The following L3MBTL3 variants were observed in gnomAD, a reference collection of about 807,000 sequenced individuals.
L3MBTL3 encodes the protein L3MBTL histone methyl-lysine binding protein 3.
Under a neutral mutation model 102.3 loss-of-function variants are expected in L3MBTL3, and 27 were observed. That is an observed-to-expected ratio of 0.26 (90% CI 0.19 to 0.36). The LOEUF (loss-of-function observed/expected upper bound fraction) is 0.36. Among genes scored for constraint, L3MBTL3 ranks in the 10% least tolerant of loss-of-function variants. The pLI is 1.00. For synonymous variants in L3MBTL3, 340 were observed against 320.9 expected (o/e 1.06, Z -0.64); for missense variants, 798 against 955.3 (o/e 0.84, Z 2.17).
intron 2 of L3MBTL3, among the ~76,000 whole-genome samples, chr6:130,032,160 G>A (rs552768133): frequency 1.3e-5 from 2 of 152,158 alleles, no homozygotes; most frequent in East Asian, 1.9e-4. Flanking sequence ...GTGATCCTCC[G>A]AAAGTGCAGG....
chr6:130,087,111 A>C (rs1412426056), intron 16 of L3MBTL3, among the ~76,000 whole-genome samples: 1 of 152,124 alleles, frequency 6.6e-6, no homozygotes, highest in East Asian at 1.9e-4. Context: ...AGGAGTCTTA[A>C]GTTTATGCCC....
intron 2 of L3MBTL3, among the ~76,000 whole-genome samples, chr6:130,023,848 C>A (rs1273430689): frequency 6.6e-6 from 1 of 152,134 alleles, no homozygotes; most frequent in Non-Finnish European, 1.5e-5. Context: ...GTATGGACTT[C>A]TCGGAATATT....
chr6:130,103,182 T>G (rs1228867492), intron 18 of L3MBTL3, among the ~76,000 whole-genome samples: 5 of 152,234 alleles, frequency 3.3e-5, no homozygotes, highest in Non-Finnish European at 7.3e-5. Flanking sequence ...ATATCATAAG[T>G]GCTCCATAAA....
chr6:130,019,728 CAT>C (rs1778822071), intron 1 of L3MBTL3, among the ~76,000 whole-genome samples: 1 of 151,472 alleles, frequency 6.6e-6, no homozygotes. Context: ...GTGAGAATTT[CAT>C]ATAGATCAGC....
intron 15 of L3MBTL3, among the ~76,000 whole-genome samples, chr6:130,084,651 T>C (rs78404212): frequency 0.1 from 15,739 of 152,234 alleles, 1,488 homozygotes; most frequent in East Asian, 0.5. Context: ...TTTAAATTCT[T>C]GTCTGATGCG....
intron 14 of L3MBTL3, among the ~76,000 whole-genome samples, chr6:130,079,184 A>C (rs1413702259): frequency 6.6e-5 from 10 of 152,178 alleles, no homozygotes; most frequent in Admixed American, 6.5e-4. Context: ...CGTTTAAGTG[A>C]GAAATTGAGG....
At chr6:130,091,658 G>A (rs1368683824) in intron 16 of L3MBTL3, among the ~76,000 whole-genome samples, 2 of 151,972 alleles carry the variant, frequency 1.3e-5, no homozygotes, top group Non-Finnish European at 2.9e-5. Flanking sequence ...TATACACAAC[G>A]GGATATTATT....
At chr6:130,075,071 G>T (rs1782864136) in intron 13 of L3MBTL3, among the ~76,000 whole-genome samples, 1 of 152,124 alleles carries the variant, frequency 6.6e-6, no homozygotes, top group Non-Finnish European at 1.5e-5. Context: ...GTTAAATTTG[G>T]GAAGCACTGG....
intron 18 of L3MBTL3, among the ~76,000 whole-genome samples, chr6:130,094,654 T>C (rs1784255034): frequency 6.6e-6 from 1 of 152,172 alleles, no homozygotes; most frequent in Non-Finnish European, 1.5e-5. Context: ...TTATTTTGCA[T>C]TGATCATTAA....
intron 2 of L3MBTL3, among the ~76,000 whole-genome samples, chr6:130,030,083 T>C (rs1779612069): frequency 6.6e-6 from 1 of 152,068 alleles, no homozygotes; most frequent in Non-Finnish European, 1.5e-5. Context: ...GGTCTTGAAC[T>C]CCTGACCATT....
intron 8 of L3MBTL3, among the ~76,000 whole-genome samples, chr6:130,055,630 C>G (rs1158076490): frequency 1.3e-5 from 1 of 78,616 alleles, no homozygotes; most frequent in African/African-American, 4.2e-5. Flanking sequence ...CTGTCTCCCT[C>G]CCTCCCTCCC....
Position 130,094,255 on chromosome 6 carries a change from T to C in L3MBTL3, c.1634-10T>C, listed in dbSNP as rs1784221466. On this transcript the variant is annotated splice_polypyrimidine_tract_variant and intron_variant, in intron 17 of 22. Transcript: ENST00000361794. ...TTTGCCCCTTCTTTCTTTTCTTTGCTCTTTCATAGGCCCCTTAGAATTAAT... is the reference window on the plus strand; with the variant it reads ...TTTGCCCCTTCTTTCTTTTCTTTGCCCTTTCATAGGCCCCTTAGAATTAAT... 1 of 1,604,816 alleles carries C rather than the reference T, an allele frequency of 6.2e-7. No homozygotes were observed. The highest frequency in any genetic ancestry group is 1.3e-5 in the African/African-American group (1 of 74,558).
At chr6:130,134,473 A>G (rs1003630399) in intron 22 of L3MBTL3, among the ~76,000 whole-genome samples, 2 of 152,206 alleles carry the variant, frequency 1.3e-5, no homozygotes, top group African/African-American at 4.8e-5. Context: ...CAAAACTTCA[A>G]TATAAGGGGT....
At chr6:130,029,422 A>T (rs1779562685) in intron 2 of L3MBTL3, among the ~76,000 whole-genome samples, 2 of 152,298 alleles carry the variant, frequency 1.3e-5, no homozygotes, top group South Asian at 4.2e-4. Flanking sequence ...GGACGTTTTT[A>T]TGCCTCCTCA....
chr6:130,073,287 G>C (rs1782750264), intron 13 of L3MBTL3, among the ~76,000 whole-genome samples: 1 of 152,080 alleles, frequency 6.6e-6, no homozygotes, highest in Non-Finnish European at 1.5e-5. Flanking sequence ...TACATATTTT[G>C]AATGGGTGAG....
rs1333247090 is a variant in L3MBTL3 at position 130,051,475 on chromosome 6, A to G, written c.449+67A>G. ...TTCCAAAGTCATGGTGCCTGAGAAT[A>G]TAGAAGTTTTATGCTCTCGGACATT... On this transcript the variant is annotated intron_variant, in intron 6 of 22. Transcript: ENST00000361794. The G allele has an allele frequency of 2.8e-6, 4 of 1,416,214 alleles. No individual in the cohort carries two copies. In the South Asian group the frequency reaches 3.6e-5, roughly 13 times the overall value. 87.7% of individuals were successfully genotyped at this position (1,416,214 alleles called of 1,614,324 possible). A position where few individuals can be genotyped will look rare whatever the true frequency, so the allele number is the denominator to read the frequency against.
intron 6 of L3MBTL3, among the ~76,000 whole-genome samples, chr6:130,052,069 A>G (rs9375699): frequency 0.54 from 81,556 of 151,990 alleles, 25,351 homozygotes; most frequent in East Asian, 0.76. Context: ...GGCATTTCCC[A>G]TGTATTTTAA....
chr6:130,122,304 C>T (rs13213459), intron 20 of L3MBTL3, among the ~76,000 whole-genome samples: 10,108 of 152,174 alleles, frequency 0.066, 470 homozygotes, highest in Non-Finnish European at 0.1. Flanking sequence ...CATAAAGCAA[C>T]CATTTATGAT....
At chr6:130,117,322 A>AT in intron 19 of L3MBTL3, among the ~76,000 whole-genome samples, 1 of 150,910 alleles carries the variant, frequency 6.6e-6, no homozygotes, top group Non-Finnish European at 1.5e-5. Context: ...TTATGGCTGC[A>AT]TAGTATTCCA....
Sources: gnomAD v4.1 joint callset for allele counts (sites outside exome capture counted in the v4.1 genomes callset) on GRCh38, gnomAD v4.1.1 for gene constraint, MANE v1.5 for transcripts, NCBI Gene and HGNC (gene_info 2026-07-23, HGNC 2026-07-21) for gene names.